The following PRKAG2 variants were observed in gnomAD, a reference collection of about 807,000 sequenced individuals.
PRKAG2 encodes the protein protein kinase AMP-activated non-catalytic subunit gamma 2.
A neutral mutation model predicts 69.6 loss-of-function variants in PRKAG2; 26 were observed. That is an observed-to-expected ratio of 0.37 (90% confidence interval 0.27 to 0.52). The LOEUF is 0.52. Ranked by LOEUF, PRKAG2 falls within the 20% of genes least tolerant of loss-of-function variation. PRKAG2 has a pLI of 0.90. For synonymous variants in PRKAG2, 293 were observed against 285.0 expected (o/e 1.03, Z -0.28); for missense variants, 557 against 740.0 (o/e 0.75, Z 2.87).
intron 4 of PRKAG2, chr7:151,674,987 T>C (rs2151475076): frequency 3.2e-6 from 1 of 310,836 alleles, no homozygotes; most frequent in East Asian, 8.3e-5. Context: ...GGTGTCATGA[T>C]CTCAGCTCAC....
chr7:151,870,622 C>T (rs545410632), intron 1 of PRKAG2, among the ~76,000 whole-genome samples: 3 of 152,340 alleles, frequency 2.0e-5, no homozygotes, highest in African/African-American at 7.2e-5. Flanking sequence ...ACGGTTCGAT[C>T]CTCCAGCCCC....
intron 5 of PRKAG2, among the ~76,000 whole-genome samples, chr7:151,616,775 A>T (rs988285525): frequency 6.6e-6 from 1 of 152,232 alleles, no homozygotes; most frequent in African/African-American, 2.4e-5. Context: ...TTGAGAGAGA[A>T]GAGAAGAAGA....
chr7:151,597,828 C>A (rs1307220669), intron 5 of PRKAG2, among the ~76,000 whole-genome samples: 1 of 149,664 alleles, frequency 6.7e-6, no homozygotes, highest in South Asian at 2.2e-4. Context: ...GAGCCCCCCC[C>A]CCCGCTCTTT....
chr7:151,741,029 T>C (rs1196692840), intron 3 of PRKAG2, among the ~76,000 whole-genome samples: 2 of 152,196 alleles, frequency 1.3e-5, no homozygotes, highest in Admixed American at 1.3e-4. Flanking sequence ...AATCAGCTTC[T>C]AACAAAAATT....
At chr7:151,783,921 A>AC (rs2076865367) in intron 2 of PRKAG2, among the ~76,000 whole-genome samples, 1 of 149,656 alleles carries the variant, frequency 6.7e-6, no homozygotes, top group Admixed American at 6.6e-5. Context: ...TCAAAAAAAA[A>AC]AAAAAAAAAA....
intron 5 of PRKAG2, among the ~76,000 whole-genome samples, chr7:151,612,571 G>A (rs148692351): frequency 2.0e-4 from 30 of 152,314 alleles, no homozygotes; most frequent in South Asian, 1.7e-3. Context: ...ATCAGCAGGC[G>A]TAGGGGCTGC....
At chr7:151,634,621 A>G (rs893728071) in intron 4 of PRKAG2, among the ~76,000 whole-genome samples, 1 of 152,250 alleles carries the variant, frequency 6.6e-6, no homozygotes, top group African/African-American at 2.4e-5. Flanking sequence ...AAAATAAAAT[A>G]AAATAAAAAT....
intron 6 of PRKAG2, among the ~76,000 whole-genome samples, chr7:151,585,457 C>CTCAG (rs1811430073): frequency 1.5e-5 from 1 of 68,076 alleles, no homozygotes; most frequent in Non-Finnish European, 3.3e-5. Context: ...TTGAAAAACT[C>CTCAG]TCAGCCACTA....
chr7:151,571,353 G>A (rs1040934736), intron 9 of PRKAG2, among the ~76,000 whole-genome samples: 1 of 152,094 alleles, frequency 6.6e-6, no homozygotes, highest in Non-Finnish European at 1.5e-5. Flanking sequence ...GATTATAGGC[G>A]TGAGCTACTG....
chr7:151,771,970 G>T lies in PRKAG2; in HGVS notation c.466+9182C>A, dbSNP rs1397040942. Among the ~76,000 whole-genome samples the T allele has an allele frequency of 6.6e-6, 1 of 152,182 alleles. No individual in the cohort carries two copies. The highest frequency in any genetic ancestry group is 1.5e-5 in the Non-Finnish European group (1 of 68,040). On this transcript the variant is annotated intron_variant, in intron 3 of 15. Coordinates refer to ENST00000287878, the MANE Select transcript of PRKAG2 (RefSeq NM_016203.4). The surrounding 1 kb of genome is among the most constrained non-coding windows in gnomAD (Gnocchi z 4.0). ...TTGGTGAATTAATTTCAAACAATTT[G>T]CTCAGTGCCTTCAGGCGCCATTCTA...
chr7:151,565,847 G>A lies in PRKAG2; in HGVS notation c.1272C>T (p.Asn424=), dbSNP rs1806124475. The change falls in exon 12 of 16, where the codon AAC becomes AAT. Residue 424 remains asparagine (N), a synonymous_variant. Coordinates refer to ENST00000287878, the MANE Select transcript of PRKAG2 (RefSeq NM_016203.4). ...DMPKPAFMKQ[N]LDELGIGTYH... ...ACGTTCCTATTCCAAGCTCATCCAG[G>A]TTCTGCTTCATGAAGGCAGGCTTTG... 6.2e-7 allele frequency: 1 copy of A among 1,613,670 alleles called. No individual in the cohort carries two copies. The highest frequency in any genetic ancestry group is 8.5e-7 in the Non-Finnish European group (1 of 1,179,558).
chr7:151,658,498 A>C (rs1245955233), intron 4 of PRKAG2, among the ~76,000 whole-genome samples: 1 of 151,900 alleles, frequency 6.6e-6, no homozygotes, highest in Admixed American at 6.6e-5. Flanking sequence ...AAAAAAAAAA[A>C]AAAGTATTTC....
intron 3 of PRKAG2, chr7:151,735,768 C>T (rs1048823946): frequency 4.0e-5 from 50 of 1,262,376 alleles, no homozygotes; most frequent in Non-Finnish European, 5.4e-5. Context: ...CCTCTAACCA[C>T]CGCCTGATGT....
intron 4 of PRKAG2, among the ~76,000 whole-genome samples, chr7:151,664,537 G>C (rs1830757906): frequency 6.6e-6 from 1 of 152,072 alleles, no homozygotes; most frequent in Non-Finnish European, 1.5e-5. Flanking sequence ...CCCTTACTTT[G>C]TCATCTCACA....
rs2076654551 is a variant in PRKAG2, at chr7:151,781,289, TAGG to T, written c.326_328del (p.Ser109del). On this transcript the variant is annotated inframe_deletion, in exon 3 of 16. Coordinates refer to ENST00000287878, the MANE Select transcript of PRKAG2 (RefSeq NM_016203.4). This position sits in a 1 kb window ranked among gnomAD's most constrained non-coding sequence, Gnocchi z 6.1. ...AGGGGAGCGTGGCGGGGACTCCTGG[TAGG>T]AGAACGGGAACACGGTTTTGGGAGA... 1.9e-6 allele frequency: 3 copies of T among 1,613,980 alleles called. No homozygotes were observed. Among genetic ancestry groups the T allele is most frequent in the South Asian group, 1.1e-5 (1 of 91,080 alleles).
intron 3 of PRKAG2, among the ~76,000 whole-genome samples, chr7:151,705,843 T>C (rs1188903845): frequency 6.6e-6 from 1 of 152,158 alleles, no homozygotes; most frequent in African/African-American, 2.4e-5. Flanking sequence ...GTGGCCCTTC[T>C]TAGCCGATCT....
At chr7:151,558,079 G>C in intron 15 of PRKAG2, 5 of 985,184 alleles carry the variant, frequency 5.1e-6, no homozygotes, top group Non-Finnish European at 6.0e-6. Flanking sequence ...TAGAGCGTGT[G>C]GCTGAAACAC....
chr7:151,681,675 G>A (rs1833908070), intron 3 of PRKAG2, among the ~76,000 whole-genome samples: 1 of 151,996 alleles, frequency 6.6e-6, no homozygotes, highest in Admixed American at 6.5e-5. Context: ...GAAACTGGTA[G>A]CTGGAGAAAG....
intron 1 of PRKAG2, among the ~76,000 whole-genome samples, chr7:151,834,177 C>G (rs1004992232): frequency 3.9e-5 from 6 of 152,218 alleles, no homozygotes; most frequent in Non-Finnish European, 7.3e-5. Context: ...ACCCTGAAAA[C>G]TTAAGGACAA....
Sources: gnomAD v4.1 joint callset for allele counts (sites outside exome capture counted in the v4.1 genomes callset) on GRCh38, gnomAD v4.1.1 for gene constraint, Gnocchi (gnomAD v3.1) non-coding constraint, MANE v1.5 for transcripts, NCBI Gene and HGNC (gene_info 2026-07-23, HGNC 2026-07-21) for gene names.